EPHX2: variants seen among roughly 807,000 people sequenced by gnomAD.
The protein encoded by EPHX2 is epoxide hydrolase 2.
EPHX2 carries 74 observed loss-of-function variants against 78.7 expected under a neutral mutation model. That is an observed-to-expected ratio of 0.94 (90% CI 0.78 to 1.14). The LOEUF is 1.14. EPHX2 is among the 50% of genes most tolerant of loss of function. The probability of loss-of-function intolerance (pLI) is 0.00; values close to 1 mark genes in which losing one functional copy is unlikely to be tolerated. For synonymous variants in EPHX2, 251 were observed against 255.2 expected (o/e 0.98, Z 0.16); for missense variants, 715 against 702.5 (o/e 1.02, Z -0.20).
chr8:27,505,051 G>T lies in EPHX2; in HGVS notation c.442G>T (p.Asp148Tyr). The change falls in exon 4 of 19, where the codon GAC becomes TAC. Residue 148 changes from aspartate (D) to tyrosine (Y), a missense_variant. Transcript: ENST00000521400. ...GATGTGTGAGCTGAAGATGCACTTT[G>T]ACTTCCTGATAGAGTCGTGTCAGGT... ...QLMCELKMHF[D>Y]FLIESCQVGM... The T allele has an allele frequency of 6.2e-7, 1 of 1,614,150 alleles. No individual in the cohort carries two copies. The highest frequency in any genetic ancestry group is 8.5e-7 in the Non-Finnish European group (1 of 1,180,034).
intron 1 of EPHX2, among the ~76,000 whole-genome samples, chr8:27,491,614 A>G (rs935955613): frequency 2.0e-5 from 3 of 152,180 alleles, no homozygotes; most frequent in Non-Finnish European, 4.4e-5. Context: ...GGTGGCGCTT[A>G]AAGATGCGAG....
At chr8:27,497,382 G>A (rs887771732) in intron 1 of EPHX2, among the ~76,000 whole-genome samples, 2 of 152,210 alleles carry the variant, frequency 1.3e-5, no homozygotes, top group Non-Finnish European at 2.9e-5. Flanking sequence ...TCCTTGCAAA[G>A]CACACTGATA....
In EPHX2 at chr8:27,503,679, A is replaced by G; in HGVS notation, c.262A>G (p.Ile88Val). Residue 88 changes from isoleucine to valine, a missense_variant, in exon 3 of 19, where the codon ATA (isoleucine) becomes GTA (valine). Coordinates refer to ENST00000521400, the MANE Select transcript of EPHX2 (RefSeq NM_001979.6). Reference protein sequence around the residue: ...AKVCLPKNFSIKEIFDKAISA... With the variant: ...AKVCLPKNFSVKEIFDKAISA... ...AGTCTGCCTCCCCAAGAATTTCTCC[A>G]TAAAAGAAATCTTTGACAAGGCGAT... 3.1e-6 allele frequency: 5 copies of G among 1,614,108 alleles called. No homozygotes were observed. Among genetic ancestry groups the G allele is most frequent in the Middle Eastern group, 1.6e-4 (1 of 6,062 alleles).
intron 9 of EPHX2, among the ~76,000 whole-genome samples, chr8:27,518,931 C>T (rs1210119529): frequency 6.6e-6 from 1 of 152,240 alleles, no homozygotes; most frequent in Non-Finnish European, 1.5e-5. Context: ...GAGCCCCTAT[C>T]CTGCTGTTGT....
chr8:27,512,498 TTC>T (rs1340800168), intron 6 of EPHX2, among the ~76,000 whole-genome samples: 3 of 152,234 alleles, frequency 2.0e-5, no homozygotes, highest in African/African-American at 7.2e-5. Flanking sequence ...CATTAAAATG[TTC>T]TTTTTGTTTT....
chr8:27,518,715 C>G (rs1345164267), intron 9 of EPHX2, among the ~76,000 whole-genome samples: 1 of 152,256 alleles, frequency 6.6e-6, no homozygotes, highest in Non-Finnish European at 1.5e-5. Flanking sequence ...AGTCACAGCC[C>G]TGTGGGGGCT....
chr8:27,534,935 C>T (rs1164701124), intron 12 of EPHX2, among the ~76,000 whole-genome samples: 1 of 152,130 alleles, frequency 6.6e-6, no homozygotes, highest in East Asian at 1.9e-4. Flanking sequence ...TGTTGAAGGC[C>T]AAACTAATAG....
At position 27,535,163 on chromosome 8, in the gene EPHX2, ATATTT is replaced by A. The variant is rs58760249; in HGVS notation, c.1171-1600_1171-1596del. 2.2e-4 allele frequency among the ~76,000 whole-genome samples: 33 copies of A among 151,988 alleles called. No homozygotes were observed. The East Asian group carries it at 5.8e-3, about 27-fold the overall frequency. On this transcript the variant is annotated intron_variant, in intron 12 of 18. Coordinates refer to ENST00000521400, the MANE Select transcript of EPHX2 (RefSeq NM_001979.6). The stretch of plus-strand genomic sequence containing the variant: ...CCTCAGCAGCAGCTGTGTTACAGAA[ATATTT>A]TATTTTATTTTATTTTATTTATTTT...
chr8:27,537,570 G>A (rs934571687), intron 13 of EPHX2, among the ~76,000 whole-genome samples: 1 of 152,150 alleles, frequency 6.6e-6, no homozygotes, highest in African/African-American at 2.4e-5. Flanking sequence ...ACACTGCAGT[G>A]TCTGATCTGC....
At chr8:27,496,386 C>T (rs534284437) in intron 1 of EPHX2, among the ~76,000 whole-genome samples, 1 of 152,288 alleles carries the variant, frequency 6.6e-6, no homozygotes, top group Admixed American at 6.5e-5. Context: ...GAGGCAAGAC[C>T]ATCCACGAAA....
rs1010888637 is a variant in EPHX2, at chr8:27,544,509, T to C, written c.1655T>C (p.Val552Ala). ...TCTGATGCCCGGAACCCACCGGTGG[T>C]CTCAAAGATGTAGAACGCAGCGTGT... ...LDSDARNPPV[V>A]SKM Residue 552 changes from valine (V) to alanine (A), a missense_variant, in exon 19 of 19, where the codon GTC (valine) becomes GCC (alanine). Physicochemically the swap from Val to Ala is moderately conservative, Grantham distance 64. Transcript: ENST00000521400. The C allele has an allele frequency of 1.2e-6, 2 of 1,613,810 alleles. No individual in the cohort carries two copies. The highest frequency in any genetic ancestry group is 1.3e-5 in the African/African-American group (1 of 74,990).
intron 12 of EPHX2, among the ~76,000 whole-genome samples, chr8:27,527,813 C>T (rs1814900806): frequency 6.6e-6 from 1 of 152,156 alleles, no homozygotes; most frequent in African/African-American, 2.4e-5. Flanking sequence ...ACAGCTACAG[C>T]TGTTTTTGAG....
At chr8:27,537,531 T>C (rs978123720) in intron 13 of EPHX2, among the ~76,000 whole-genome samples, 1 of 152,210 alleles carries the variant, frequency 6.6e-6, no homozygotes, top group Non-Finnish European at 1.5e-5. Context: ...TCCTATACAT[T>C]AATTGTCTTA....
At position 27,525,493 on chromosome 8, in the gene EPHX2, C is replaced by T; in HGVS notation, c.1170+20C>T. 2.5e-6 allele frequency: 4 copies of T among 1,580,880 alleles called. No homozygotes were observed. Among genetic ancestry groups the T allele is most frequent in the Non-Finnish European group, 2.6e-6 (3 of 1,149,702 alleles). ...GAACCAGTAAGTATGGCACCAAGGG[C>T]AACAATGGGAGCATTAGTGTTTGCC... On this transcript the variant is annotated intron_variant, in intron 12 of 18. Transcript: ENST00000521400.
chr8:27,509,022 C>T (rs1814131990), intron 5 of EPHX2, among the ~76,000 whole-genome samples: 1 of 135,424 alleles, frequency 7.4e-6, no homozygotes, highest in African/African-American at 2.8e-5. Flanking sequence ...CTACAGCAGA[C>T]GTGCTGTAGA....
intron 16 of EPHX2, 74 bp from the exon 17 acceptor site, chr8:27,543,675 G>C: frequency 6.7e-7 from 1 of 1,487,332 alleles, no homozygotes; most frequent in South Asian, 1.2e-5. Flanking sequence ...GTGGCGAGCA[G>C]GGGTCTTTCA....
At chr8:27,496,035 G>T (rs183386676) in intron 1 of EPHX2, among the ~76,000 whole-genome samples, 1 of 152,244 alleles carries the variant, frequency 6.6e-6, no homozygotes, top group African/African-American at 2.4e-5. Context: ...AAAAGCTGGT[G>T]ATCCCAAGGA....
intron 9 of EPHX2, among the ~76,000 whole-genome samples, chr8:27,520,030 C>T (rs959571224): frequency 6.7e-6 from 1 of 150,128 alleles, no homozygotes. Flanking sequence ...TAATAAGCAA[C>T]AGGGTCTCCT....
chr8:27,506,890 A>G lies in EPHX2; in HGVS notation c.556A>G (p.Ile186Val), dbSNP rs201535183. Residue 186 changes from isoleucine to valine, a missense_variant, in exon 5 of 19, where the codon ATC becomes GTC. Ile to Val is a conservative substitution (Grantham distance 29). Coordinates refer to ENST00000521400, the MANE Select transcript of EPHX2 (RefSeq NM_001979.6). ...GGCTCAGGTCGTTTTTTTGGATGAC[A>G]TCGGGGCTAATCTGAAGCCAGCCCG... Reference protein sequence around the residue: ...SPSEVVFLDDIGANLKPARDL... With the variant: ...SPSEVVFLDDVGANLKPARDL... The G allele has an allele frequency of 1.1e-5, 18 of 1,614,126 alleles. No individual in the cohort carries two copies. In the East Asian group the frequency reaches 2.2e-4, roughly 20 times the overall value.
Sources: allele counts gnomAD v4.1 joint callset (sites outside exome capture counted in the v4.1 genomes callset), GRCh38; gene constraint gnomAD v4.1.1; transcripts MANE v1.5; gene names NCBI Gene and HGNC (gene_info 2026-07-23, HGNC 2026-07-21).